CLSTN2: variants seen among roughly 807,000 people sequenced by gnomAD.
CLSTN2 encodes the protein calsyntenin-2.
In CLSTN2, 48 loss-of-function variants were observed where a neutral mutation model predicts 101.2. The observed-to-expected ratio is 0.47, with a 90% CI of 0.38 to 0.60. The LOEUF is 0.60. Ranked by LOEUF, CLSTN2 falls within the 20% of genes least tolerant of loss-of-function variation. The pLI is 0.00. For missense variants in CLSTN2, 1,160 were observed against 1,238.2 expected (o/e 0.94, Z 0.95); for synonymous variants, 481 against 463.6 (o/e 1.04, Z -0.48).
chr3:140,209,024 T>C (rs1267959246), intron 2 of CLSTN2, among the ~76,000 whole-genome samples: 1 of 152,210 alleles, frequency 6.6e-6, no homozygotes, highest in African/African-American at 2.4e-5. Context: ...CCAAGTGTCC[T>C]CACATCTTTA....
At chr3:140,553,387 G>C (rs950013528) in intron 10 of CLSTN2, among the ~76,000 whole-genome samples, 5 of 152,178 alleles carry the variant, frequency 3.3e-5, no homozygotes, top group African/African-American at 1.2e-4. Context: ...TTATTTAAAT[G>C]AGGAAATGAA....
chr3:140,243,127 G>T (rs80174111), intron 2 of CLSTN2, among the ~76,000 whole-genome samples: 2 of 152,142 alleles, frequency 1.3e-5, no homozygotes, highest in Non-Finnish European at 2.9e-5. Flanking sequence ...GGGAATAAAG[G>T]CCTTCTCAAG....
chr3:140,176,092 A>G lies in CLSTN2; in HGVS notation c.232+19A>G, dbSNP rs375577986. 4.3e-5 allele frequency: 70 copies of G among 1,613,046 alleles called. No homozygotes were observed. The highest frequency in any genetic ancestry group is 9.3e-6 in the Non-Finnish European group (11 of 1,179,490). ...TTTGCAGGTGAGATTATGGCTTCGT[A>G]CGGCTGGGCCTGGCTCACTTTGAAG... On this transcript the variant is annotated intron_variant, in intron 2 of 16. Coordinates refer to ENST00000458420, the MANE Select transcript of CLSTN2 (RefSeq NM_022131.3).
chr3:139,936,079 C>T (rs1935014321), intron 1 of CLSTN2, among the ~76,000 whole-genome samples: 1 of 152,180 alleles, frequency 6.6e-6, no homozygotes, highest in African/African-American at 2.4e-5. Context: ...GCTGCCTTTC[C>T]TACTCCGCTC....
At chr3:140,410,648 T>G (rs752597158) in intron 4 of CLSTN2, among the ~76,000 whole-genome samples, 4 of 152,080 alleles carry the variant, frequency 2.6e-5, no homozygotes, top group Non-Finnish European at 4.4e-5. Context: ...TCAGTAAATA[T>G]TCAAATTCAA....
intron 1 of CLSTN2, among the ~76,000 whole-genome samples, chr3:140,173,772 TGA>T (rs924077522): frequency 5.3e-5 from 8 of 152,222 alleles, no homozygotes; most frequent in Non-Finnish European, 7.3e-5. Context: ...AGCCATGGCC[TGA>T]GCTCTATGTT....
rs58496348 is a variant in CLSTN2, at chr3:140,123,940, C to T, written c.110-52011C>T. Reference sequence around the variant, plus strand: ...CATAACTTCATTTAACCTTAATTACCTCCTAAAAGCCCTATCTACAAAAAC... The same window carrying T: ...CATAACTTCATTTAACCTTAATTACTTCCTAAAAGCCCTATCTACAAAAAC... On this transcript the variant is annotated intron_variant, in intron 1 of 16. Coordinates refer to ENST00000458420, the MANE Select transcript of CLSTN2 (RefSeq NM_022131.3). Among the ~76,000 whole-genome samples, 402 of 152,100 alleles carry T rather than the reference C, an allele frequency of 2.6e-3. 3 individuals are homozygous for T. Among genetic ancestry groups the T allele is most frequent in the African/African-American group, 9.5e-3 (392 of 41,452 alleles).
At chr3:140,483,833 C>A (rs1164594308) in intron 8 of CLSTN2, among the ~76,000 whole-genome samples, 1 of 152,022 alleles carries the variant, frequency 6.6e-6, no homozygotes, top group Non-Finnish European at 1.5e-5. Flanking sequence ...TTCCTCCATC[C>A]CTTTATTTTG....
rs143220150 is a variant in CLSTN2 at position 140,536,434 on chromosome 3, T to C, written c.1507+3948T>C. Among the ~76,000 whole-genome samples, 22 of 152,316 alleles carry C rather than the reference T, an allele frequency of 1.4e-4. 1 individual carries two copies. In the East Asian group the frequency reaches 4.2e-3, roughly 29 times the overall value. On this transcript the variant is annotated intron_variant, in intron 9 of 16. Coordinates refer to ENST00000458420, the MANE Select transcript of CLSTN2 (RefSeq NM_022131.3). ...AGACCATAGCATGATCTAGTTTCTG[T>C]GGCCCTGGCTTTCCCATAGCTCCTT...
At position 140,134,796 on chromosome 3, in the gene CLSTN2, G is replaced by A. The variant is rs180821669; in HGVS notation, c.110-41155G>A. On this transcript the variant is annotated intron_variant, in intron 1 of 16. Transcript: ENST00000458420. ...GCAGCTGTCACTTAGTGCCTAAGAT[G>A]CATGAGCTGTCATTCCACTAATCCA... Among the ~76,000 whole-genome samples the A allele has an allele frequency of 3.2e-4, 48 of 152,100 alleles. 1 individual carries two copies. In the South Asian group the frequency reaches 7.1e-3, roughly 22 times the overall value.
intron 2 of CLSTN2, among the ~76,000 whole-genome samples, chr3:140,208,246 C>G (rs1576467644): frequency 6.6e-6 from 1 of 152,134 alleles, no homozygotes; most frequent in East Asian, 1.9e-4. Flanking sequence ...TTCAAGGTAA[C>G]TCTTTATTGA....
chr3:140,492,747 A>G (rs963516084), intron 8 of CLSTN2, among the ~76,000 whole-genome samples: 8 of 152,186 alleles, frequency 5.3e-5, no homozygotes, highest in South Asian at 2.1e-4. Context: ...ATTATTTCCT[A>G]CTATATCCCC....
chr3:140,521,491 G>A (rs1935025256), intron 8 of CLSTN2, among the ~76,000 whole-genome samples: 2 of 152,190 alleles, frequency 1.3e-5, no homozygotes. Flanking sequence ...GCCTGCTCCT[G>A]CCTCTGGAAG....
intron 2 of CLSTN2, among the ~76,000 whole-genome samples, chr3:140,259,081 T>C (rs1426599903): frequency 6.6e-6 from 1 of 152,164 alleles, no homozygotes; most frequent in Non-Finnish European, 1.5e-5. Flanking sequence ...TCAATCCTTT[T>C]TATACTTTTA....
chr3:140,366,037 G>T (rs1454260267), intron 2 of CLSTN2, among the ~76,000 whole-genome samples: 1 of 152,182 alleles, frequency 6.6e-6, no homozygotes, highest in Non-Finnish European at 1.5e-5. Context: ...TTACCTACTA[G>T]CTGGCCAAGG....
intron 2 of CLSTN2, among the ~76,000 whole-genome samples, chr3:140,180,521 A>T (rs2010392180): frequency 6.6e-6 from 1 of 152,198 alleles, no homozygotes; most frequent in South Asian, 2.1e-4. Context: ...TGTCCGCTGC[A>T]TGGCAAAAAA....
chr3:140,354,185 G>A (rs1021643860), intron 2 of CLSTN2, among the ~76,000 whole-genome samples: 3 of 152,126 alleles, frequency 2.0e-5, no homozygotes, highest in African/African-American at 2.4e-5. Context: ...GGCAAATGGA[G>A]CTTCTCACAT....
chr3:140,306,663 C>T (rs2087116992), intron 2 of CLSTN2, among the ~76,000 whole-genome samples: 1 of 152,100 alleles, frequency 6.6e-6, no homozygotes. Context: ...TTTGCCTGGT[C>T]ATTCACGCTG....
chr3:140,258,390 T>C lies in CLSTN2; in HGVS notation c.232+82317T>C, dbSNP rs1328604702. Among the ~76,000 whole-genome samples the C allele has an allele frequency of 2.6e-5, 4 of 152,190 alleles. No homozygotes were observed. The East Asian group carries it at 5.8e-4, about 22-fold the overall frequency. On this transcript the variant is annotated intron_variant, in intron 2 of 16. Transcript: ENST00000458420. The stretch of plus-strand genomic sequence containing the variant: ...TTGACAGCTAATCCATGGCCGGGCT[T>C]TGGGAAGGCATTATTTCCTTCATGT...
Sources: gnomAD v4.1 joint callset for allele counts (sites outside exome capture counted in the v4.1 genomes callset) on GRCh38, gnomAD v4.1.1 for gene constraint, MANE v1.5 for transcripts, NCBI Gene and HGNC (gene_info 2026-07-23, HGNC 2026-07-21) for gene names.